Variants in MAGI2 observed in about 807,000 individuals in gnomAD.
MAGI2 encodes membrane associated guanylate kinase, WW and PDZ domain containing 2.
In MAGI2, 35 loss-of-function variants were observed where a neutral mutation model predicts 133.3. The ratio of observed to expected loss-of-function variants is 0.26; its 90% CI spans 0.20 to 0.35. MAGI2 has a LOEUF of 0.35. Ranked by LOEUF, MAGI2 falls within the 10% of genes least tolerant of loss-of-function variation. The pLI is 1.00. For synonymous variants in MAGI2, 729 were observed against 710.6 expected (o/e 1.03, Z -0.41); for missense variants, 1,636 against 1,863.4 (o/e 0.88, Z 2.25).
intron 1 of MAGI2, among the ~76,000 whole-genome samples, chr7:79,319,298 A>G (rs1421932241): frequency 6.6e-6 from 1 of 152,184 alleles, no homozygotes; most frequent in African/African-American, 2.4e-5. Context: ...GTGTAATGCA[A>G]TAAACACCCT....
chr7:78,262,858 G>T (rs1180882151), intron 9 of MAGI2, among the ~76,000 whole-genome samples: 1 of 152,044 alleles, frequency 6.6e-6, no homozygotes, highest in Non-Finnish European at 1.5e-5. Flanking sequence ...GAGGATACAT[G>T]CGTAGGTTTG....
intron 9 of MAGI2, among the ~76,000 whole-genome samples, chr7:78,341,387 A>G (rs1790356929): frequency 6.6e-6 from 1 of 152,130 alleles, no homozygotes; most frequent in South Asian, 2.1e-4. Flanking sequence ...ATACTGCCCA[A>G]ATAATTTATA....
Position 79,178,661 on chromosome 7 carries a change from G to A in MAGI2, c.302-171455C>T, listed in dbSNP as rs182719807. ...TGGGAGGCGGAGGTTGCAGTGAGCCGAGATCACGCCACTGCACTCCAGACT... is the reference window on the plus strand; with the variant it reads ...TGGGAGGCGGAGGTTGCAGTGAGCCAAGATCACGCCACTGCACTCCAGACT... On this transcript the variant is annotated intron_variant, in intron 1 of 21. Coordinates refer to ENST00000354212, the MANE Select transcript of MAGI2 (RefSeq NM_012301.4). 1.7e-3 allele frequency among the ~76,000 whole-genome samples: 251 copies of A among 151,292 alleles called. 1 individual carries two copies. The highest frequency in any genetic ancestry group is 0.01 in the Middle Eastern group (3 of 294).
intron 20 of MAGI2, among the ~76,000 whole-genome samples, chr7:78,105,244 A>G (rs1818567532): frequency 6.6e-6 from 1 of 152,134 alleles, no homozygotes; most frequent in Admixed American, 6.6e-5. Context: ...AACTTAAGTA[A>G]CCATTTTCTT....
At chr7:79,448,433 C>G (rs1234729989) in intron 1 of MAGI2, among the ~76,000 whole-genome samples, 1 of 152,028 alleles carries the variant, frequency 6.6e-6, no homozygotes, top group African/African-American at 2.4e-5. Context: ...CTCAAAATGA[C>G]CAATATGTTT....
intron 1 of MAGI2, among the ~76,000 whole-genome samples, chr7:79,208,485 A>C (rs1431847511): frequency 6.6e-6 from 1 of 151,974 alleles, no homozygotes; most frequent in Admixed American, 6.6e-5. Flanking sequence ...TAAAACCACC[A>C]TGAGATGTCA....
intron 2 of MAGI2, among the ~76,000 whole-genome samples, chr7:78,686,118 G>C (rs1816287592): frequency 1.8e-5 from 1 of 56,340 alleles, no homozygotes; most frequent in South Asian, 4.8e-4. Flanking sequence ...GATGAAATGT[G>C]ATTTTTTTTT....
chr7:78,930,549 G>T (rs547694945), intron 2 of MAGI2, among the ~76,000 whole-genome samples: 6 of 152,182 alleles, frequency 3.9e-5, no homozygotes, highest in African/African-American at 1.4e-4. Context: ...ACAAAGGCTA[G>T]AAATGGCATT....
chr7:78,459,758 AC>A (rs1439017188), intron 6 of MAGI2, among the ~76,000 whole-genome samples: 2 of 152,254 alleles, frequency 1.3e-5, no homozygotes, highest in African/African-American at 4.8e-5. Flanking sequence ...AGGTTTTAAG[AC>A]AATTCAGTGT....
rs146719884 is a variant in MAGI2 at position 78,533,362 on chromosome 7, A to G, written c.539-11717T>C. 6.6e-5 allele frequency among the ~76,000 whole-genome samples: 10 copies of G among 152,308 alleles called. No individual in the cohort carries two copies. In the East Asian group the frequency reaches 1.9e-3, roughly 29 times the overall value. ...CAAAAAGACCAGAAAATACATAGGA[A>G]TAAGAAAAGTAAGGACAAGGAGGCA... On this transcript the variant is annotated intron_variant, in intron 3 of 21. Transcript: ENST00000354212.
At chr7:79,280,025 A>T (rs997019414) in intron 1 of MAGI2, among the ~76,000 whole-genome samples, 3 of 152,122 alleles carry the variant, frequency 2.0e-5, no homozygotes, top group Admixed American at 1.3e-4. Context: ...TTATTTATTT[A>T]TTTTTTATTT....
intron 1 of MAGI2, among the ~76,000 whole-genome samples, chr7:79,449,818 C>T (rs1364217184): frequency 1.3e-5 from 2 of 148,560 alleles, no homozygotes; most frequent in African/African-American, 4.9e-5. Flanking sequence ...TTTCATTAAA[C>T]AGTTTTAAAA....
intron 10 of MAGI2, among the ~76,000 whole-genome samples, chr7:78,204,682 T>C (rs1829569329): frequency 1.3e-5 from 2 of 152,192 alleles, no homozygotes; most frequent in Admixed American, 6.5e-5. Context: ...CAACTTGTTG[T>C]GTGTTTGAGT....
At position 78,747,724 on chromosome 7, in the gene MAGI2, C is replaced by T. The variant is rs552704755; in HGVS notation, c.419-120485G>A. On this transcript the variant is annotated intron_variant, in intron 2 of 21. Coordinates refer to ENST00000354212, the MANE Select transcript of MAGI2 (RefSeq NM_012301.4). Reference sequence around the variant, plus strand: ...GTTTGGTCTGTTTTACTCAAAGCTGCATCCGTGGTGACTGAGTGAGGTTGG... The same window carrying T: ...GTTTGGTCTGTTTTACTCAAAGCTGTATCCGTGGTGACTGAGTGAGGTTGG... Among the ~76,000 whole-genome samples the T allele has an allele frequency of 5.9e-5, 9 of 152,238 alleles. No individual in the cohort carries two copies. In the South Asian group the frequency reaches 1.7e-3, roughly 28 times the overall value.
chr7:78,019,652 G>A lies in MAGI2; in HGVS notation c.4031C>T (p.Ala1344Val). 1 of 1,156,240 alleles carries A rather than the reference G, an allele frequency of 8.6e-7. No homozygotes were observed. The highest frequency in any genetic ancestry group is 1.1e-6 in the Non-Finnish European group (1 of 943,038). 71.6% of individuals were successfully genotyped at this position (1,156,240 alleles called of 1,614,324 possible). A position where few individuals can be genotyped will look rare whatever the true frequency, so the allele number is the denominator to read the frequency against. ...GQGRPEAGRP[A>V]SEARAPGLAA... ...GAGCCCGGGCGCCCTGGCCTCCGAG[G>A]CGGGCCTGCCGGCCTCGGGCCGCCC... Residue 1344 changes from alanine (A) to valine (V), a missense_variant, in exon 22 of 22, where the codon GCC (alanine) becomes GTC (valine). Transcript: ENST00000354212.
chr7:78,026,482 A>T (rs1294493311), intron 21 of MAGI2, among the ~76,000 whole-genome samples: 1 of 152,258 alleles, frequency 6.6e-6, no homozygotes, highest in African/African-American at 2.4e-5. Context: ...AAGGAGAGTT[A>T]ATTTTATCCT....
chr7:79,241,094 G>A (rs1276769766), intron 1 of MAGI2, among the ~76,000 whole-genome samples: 2 of 152,078 alleles, frequency 1.3e-5, no homozygotes, highest in Non-Finnish European at 2.9e-5. Context: ...GAATAATTAT[G>A]TTTGGTCACT....
chr7:79,075,950 T>G (rs1355455615), intron 1 of MAGI2, among the ~76,000 whole-genome samples: 1 of 152,156 alleles, frequency 6.6e-6, no homozygotes. Context: ...ATATGATACT[T>G]TAAAAAAAAT....
intron 2 of MAGI2, among the ~76,000 whole-genome samples, chr7:78,769,382 C>T (rs566184305): frequency 6.6e-6 from 1 of 152,048 alleles, no homozygotes; most frequent in Admixed American, 6.5e-5. Context: ...CTTTAGATCA[C>T]GTCCGAAAAT....
Sources: gnomAD v4.1 joint callset for allele counts (sites outside exome capture counted in the v4.1 genomes callset) on GRCh38, gnomAD v4.1.1 for gene constraint, MANE v1.5 for transcripts, NCBI Gene and HGNC (gene_info 2026-07-23, HGNC 2026-07-21) for gene names.